Variants in NKAIN2 observed in about 807,000 individuals in gnomAD.
The protein encoded by NKAIN2 is sodium/potassium-transporting ATPase subunit beta-1-interacting protein 2.
A neutral mutation model predicts 32.6 loss-of-function variants in NKAIN2; 14 were observed. The observed-to-expected ratio is 0.43, with a 90% CI of 0.28 to 0.67. The LOEUF (loss-of-function observed/expected upper bound fraction) is 0.67. NKAIN2 is among the 30% of genes least tolerant of loss of function. The probability of loss-of-function intolerance (pLI) is 0.17; values close to 1 mark genes in which losing one functional copy is unlikely to be tolerated. For synonymous variants in NKAIN2, 80 were observed against 87.2 expected (o/e 0.92, Z 0.46); for missense variants, 198 against 258.3 (o/e 0.77, Z 1.60).
At chr6:124,355,441 C>T in intron 3 of NKAIN2, 94 bp downstream of exon 3, 1 of 693,244 alleles carries the variant, frequency 1.4e-6, no homozygotes, top group Non-Finnish European at 2.6e-6. Context: ...GCTTGCTTAG[C>T]TGCACCTCAA....
intron 1 of NKAIN2, among the ~76,000 whole-genome samples, chr6:123,959,222 C>A (rs1037048617): frequency 2.0e-5 from 3 of 152,126 alleles, no homozygotes; most frequent in Non-Finnish European, 4.4e-5. Context: ...GTTGAAGTTG[C>A]AAGGTGCTGA....
At chr6:124,220,396 G>A (rs1215939288) in intron 1 of NKAIN2, among the ~76,000 whole-genome samples, 1 of 152,050 alleles carries the variant, frequency 6.6e-6, no homozygotes, top group Non-Finnish European at 1.5e-5. Context: ...CTTTATAGCA[G>A]TGTGAGAACA....
intron 3 of NKAIN2, among the ~76,000 whole-genome samples, chr6:124,399,209 G>A (rs925250040): frequency 6.6e-6 from 1 of 152,200 alleles, no homozygotes; most frequent in Non-Finnish European, 1.5e-5. Context: ...TTACAAGCAT[G>A]AGCCACCAGG....
intron 3 of NKAIN2, among the ~76,000 whole-genome samples, chr6:124,412,060 G>T (rs1270421432): frequency 6.6e-6 from 1 of 151,910 alleles, no homozygotes; most frequent in Non-Finnish European, 1.5e-5. Context: ...CTCTGCATTG[G>T]TTATTCTATT....
chr6:124,823,071 A>C, intron 6 of NKAIN2, 149 bp from the exon 7 acceptor site: 1 of 687,534 alleles, frequency 1.5e-6, no homozygotes, highest in Non-Finnish European at 2.6e-6. Context: ...AAAGAAAAGG[A>C]GGAAAATTAT....
At chr6:124,253,177 A>G (rs1793762982) in intron 1 of NKAIN2, among the ~76,000 whole-genome samples, 1 of 152,150 alleles carries the variant, frequency 6.6e-6, no homozygotes. Flanking sequence ...TCTGCCAGTA[A>G]TGTTTATAAA....
At chr6:124,236,367 G>T (rs1183924150) in intron 1 of NKAIN2, among the ~76,000 whole-genome samples, 1 of 152,096 alleles carries the variant, frequency 6.6e-6, no homozygotes, top group Non-Finnish European at 1.5e-5. Context: ...TCACGTGTGG[G>T]TCGGAGCCCA....
At chr6:123,851,915 A>G (rs1426816972) in intron 1 of NKAIN2, among the ~76,000 whole-genome samples, 1 of 151,790 alleles carries the variant, frequency 6.6e-6, no homozygotes, top group Admixed American at 6.6e-5. Context: ...TTTAATTTTC[A>G]TTTTATTTTT....
chr6:124,516,743 A>T (rs2114786410), intron 3 of NKAIN2, among the ~76,000 whole-genome samples: 1 of 152,286 alleles, frequency 6.6e-6, no homozygotes, highest in South Asian at 2.1e-4. Flanking sequence ...CCTGCAGTAG[A>T]ATCACACTGT....
In NKAIN2 at chr6:124,410,472, G is replaced by A. The variant is rs556056094; in HGVS notation, c.273+55125G>A. On this transcript the variant is annotated intron_variant, in intron 3 of 6. Transcript: ENST00000368417. ...TGTACCCAGTAGTCATTCAGGAGCAGGTTTTTGTTTAGTTTCCATGTAGTT... is the reference window on the plus strand; with the variant it reads ...TGTACCCAGTAGTCATTCAGGAGCAAGTTTTTGTTTAGTTTCCATGTAGTT... Among the ~76,000 whole-genome samples, 3 of 152,250 alleles carry A rather than the reference G, an allele frequency of 2.0e-5. No individual in the cohort carries two copies. The South Asian group carries it at 6.2e-4, about 32-fold the overall frequency.
intron 3 of NKAIN2, among the ~76,000 whole-genome samples, chr6:124,507,919 A>G (rs899205693): frequency 1.3e-5 from 2 of 152,174 alleles, no homozygotes; most frequent in African/African-American, 4.8e-5. Flanking sequence ...AAACAGACTC[A>G]AGAATTTAAG....
Position 124,417,393 on chromosome 6 carries a change from T to C in NKAIN2, c.273+62046T>C, listed in dbSNP as rs933557172. On this transcript the variant is annotated intron_variant, in intron 3 of 6. Transcript: ENST00000368417. ...AAGGAAGAATAAGTGTAGTTGAAGATAAAACAATAGAAATTAACCCCTCTG... is the reference window on the plus strand; with the variant it reads ...AAGGAAGAATAAGTGTAGTTGAAGACAAAACAATAGAAATTAACCCCTCTG... Among the ~76,000 whole-genome samples, 66 of 152,140 alleles carry C rather than the reference T, an allele frequency of 4.3e-4. 1 individual carries two copies. The highest frequency in any genetic ancestry group is 5.9e-5 in the Non-Finnish European group (4 of 68,010).
At chr6:123,834,216 G>A (rs75516571) in intron 1 of NKAIN2, among the ~76,000 whole-genome samples, 3 of 151,898 alleles carry the variant, frequency 2.0e-5, no homozygotes, top group Non-Finnish European at 4.4e-5. Context: ...GTGCAATGAC[G>A]TGATCTCAGC....
chr6:124,726,942 G>C (rs1776353973), intron 4 of NKAIN2, among the ~76,000 whole-genome samples: 1 of 135,262 alleles, frequency 7.4e-6, no homozygotes, highest in Non-Finnish European at 1.6e-5. Flanking sequence ...CAATCAACTG[G>C]AAGAAAGGGT....
chr6:124,101,677 G>A (rs1784898904), intron 1 of NKAIN2, among the ~76,000 whole-genome samples: 1 of 152,038 alleles, frequency 6.6e-6, no homozygotes, highest in African/African-American at 2.4e-5. Flanking sequence ...TGTATGAGAT[G>A]AGAGCGCTTG....
chr6:124,799,333 A>G (rs577698002), intron 5 of NKAIN2, among the ~76,000 whole-genome samples: 124 of 152,334 alleles, frequency 8.1e-4, no homozygotes, highest in African/African-American at 2.9e-3. Context: ...TCTAACAGAA[A>G]ACACATAAGC....
At chr6:124,382,637 A>G (rs1010374596) in intron 3 of NKAIN2, among the ~76,000 whole-genome samples, 9 of 152,266 alleles carry the variant, frequency 5.9e-5, no homozygotes, top group Middle Eastern at 3.4e-3. Flanking sequence ...ATCCTCAACT[A>G]TATCCCACAT....
chr6:123,913,352 A>C (rs1490167236), intron 1 of NKAIN2, among the ~76,000 whole-genome samples: 1 of 152,220 alleles, frequency 6.6e-6, no homozygotes, highest in East Asian at 1.9e-4. Flanking sequence ...ACTCAAAGGA[A>C]GCAAGTAATG....
At chr6:123,870,283 G>A (rs12189898) in intron 1 of NKAIN2, among the ~76,000 whole-genome samples, 32,516 of 152,018 alleles carry the variant, frequency 0.21, 4,274 homozygotes, top group East Asian at 0.48. Context: ...GTGTGTGTTG[G>A]GGGGAGTTGG....
Sources: allele counts gnomAD v4.1 joint callset (sites outside exome capture counted in the v4.1 genomes callset), GRCh38; gene constraint gnomAD v4.1.1; transcripts MANE v1.5; gene names NCBI Gene and HGNC (gene_info 2026-07-23, HGNC 2026-07-21).